Variants in MAP4K3 observed in about 807,000 individuals in gnomAD.
MAP4K3 encodes mitogen-activated protein kinase kinase kinase kinase 3, also known as MAPK/ERK kinase kinase kinase 3.
In MAP4K3, 94 loss-of-function variants were observed where a neutral mutation model predicts 143.5. The observed-to-expected ratio is 0.65, with a 90% confidence interval of 0.55 to 0.78. The LOEUF is 0.78. MAP4K3 is among the 30% of genes least tolerant of loss of function. The probability of loss-of-function intolerance (pLI) is 0.00; values close to 1 mark genes in which losing one functional copy is unlikely to be tolerated. For synonymous variants in MAP4K3, 416 were observed against 347.2 expected, an observed-to-expected ratio of 1.20 and a Z score of -2.20; for missense variants, 1,077 against 1,068.1, an observed-to-expected ratio of 1.01 and a Z score of -0.12.
intron 13 of MAP4K3, among the ~76,000 whole-genome samples, chr2:39,314,633 A>G (rs1683053483): frequency 6.6e-6 from 1 of 152,200 alleles, no homozygotes; most frequent in Non-Finnish European, 1.5e-5. Context: ...TCTAAGGAAT[A>G]AAAAAGTTAA....
intron 19 of MAP4K3, among the ~76,000 whole-genome samples, chr2:39,288,543 C>T (rs1011414366): frequency 1.3e-5 from 2 of 152,042 alleles, no homozygotes; most frequent in African/African-American, 4.8e-5. Flanking sequence ...TTTATTAATT[C>T]CTCACAAGTC....
intron 30 of MAP4K3, 30 bp downstream of exon 30, chr2:39,258,489 A>C: frequency 6.3e-7 from 1 of 1,599,510 alleles, no homozygotes. Context: ...AAGTCTTATT[A>C]AAGTAAGACA....
At chr2:39,388,467 A>G (rs1248236843) in intron 1 of MAP4K3, among the ~76,000 whole-genome samples, 1 of 152,234 alleles carries the variant, frequency 6.6e-6, no homozygotes, top group Non-Finnish European at 1.5e-5. Flanking sequence ...ATAAAATCAG[A>G]GCTGTAAACA....
At chr2:39,339,520 A>G (rs1665079720) in intron 4 of MAP4K3, among the ~76,000 whole-genome samples, 1 of 152,216 alleles carries the variant, frequency 6.6e-6, no homozygotes, top group South Asian at 2.1e-4. Context: ...GGGGAAGGTT[A>G]ATCCTGGTAA....
At chr2:39,352,530 T>A (rs1665490009) in intron 3 of MAP4K3, among the ~76,000 whole-genome samples, 1 of 152,324 alleles carries the variant, frequency 6.6e-6, no homozygotes, top group South Asian at 2.1e-4. Flanking sequence ...GTTTTATAAA[T>A]ACACAAACAT....
intron 22 of MAP4K3, 85 bp from the exon 23 acceptor site, chr2:39,280,441 G>C (rs916736072): frequency 8.7e-6 from 6 of 688,444 alleles, no homozygotes; most frequent in Admixed American, 2.4e-5. Context: ...CTATTTTAAT[G>C]TGAGAGTCTA....
At chr2:39,390,600 G>A (rs924173320) in intron 1 of MAP4K3, among the ~76,000 whole-genome samples, 5 of 152,172 alleles carry the variant, frequency 3.3e-5, no homozygotes, top group Non-Finnish European at 5.9e-5. Context: ...AGAGGCACTG[G>A]AGGAAGGGAT....
rs117689694 is a variant in MAP4K3 at position 39,319,492 on chromosome 2, C to T, written c.919-4104G>A. ...GCTGACTGTGGGATTTGGGTATGCA[C>T]GGAGTTTGGTATACTTGAGAGTCCT... is the stretch of plus-strand genomic sequence containing the variant. On this transcript the variant is annotated intron_variant, in intron 12 of 33. Transcript: ENST00000263881. Among the ~76,000 whole-genome samples, 426 of 152,116 alleles carry T rather than the reference C, an allele frequency of 2.8e-3. 15 individuals are homozygous for T. The East Asian group carries it at 0.075, about 27-fold the overall frequency.
chr2:39,424,508 C>T (rs566770732), intron 1 of MAP4K3, among the ~76,000 whole-genome samples: 4 of 152,056 alleles, frequency 2.6e-5, no homozygotes, highest in South Asian at 2.1e-4. Context: ...AGGGACTGTG[C>T]CTTCAGTAAA....
chr2:39,311,202 T>G (rs971308031), intron 13 of MAP4K3, among the ~76,000 whole-genome samples: 3 of 152,280 alleles, frequency 2.0e-5, no homozygotes, highest in African/African-American at 7.2e-5. Context: ...CTCGACCTCC[T>G]GAGTAGCTGG....
At chr2:39,433,951 G>C (rs963449462) in intron 1 of MAP4K3, among the ~76,000 whole-genome samples, 26 of 152,212 alleles carry the variant, frequency 1.7e-4, no homozygotes, top group African/African-American at 5.5e-4. Flanking sequence ...CAACAAAACA[G>C]CTCTGAGAGG....
At chr2:39,408,897 G>C (rs184781548) in intron 1 of MAP4K3, among the ~76,000 whole-genome samples, 72 of 152,282 alleles carry the variant, frequency 4.7e-4, no homozygotes, top group Non-Finnish European at 7.8e-4. Flanking sequence ...TTTATGACAG[G>C]GATCCTCCCA....
At chr2:39,384,129 T>A (rs962713174) in intron 1 of MAP4K3, among the ~76,000 whole-genome samples, 4 of 149,068 alleles carry the variant, frequency 2.7e-5, no homozygotes, top group East Asian at 3.9e-4. Context: ...AAAAAAAAAA[T>A]TCAATGGCAG....
chr2:39,285,979 T>C (rs915013567), intron 21 of MAP4K3, among the ~76,000 whole-genome samples: 3 of 152,226 alleles, frequency 2.0e-5, no homozygotes, highest in African/African-American at 7.2e-5. Flanking sequence ...TAGCTAACAT[T>C]TGTGATAGGA....
intron 13 of MAP4K3, among the ~76,000 whole-genome samples, chr2:39,314,995 C>A (rs567436221): frequency 6.6e-6 from 1 of 152,304 alleles, no homozygotes; most frequent in Admixed American, 6.5e-5. Context: ...GAATCTGAAA[C>A]TGCATTTAAC....
chr2:39,433,362 AGCTTTACTATCTCCT>A (rs1665353516), intron 1 of MAP4K3, among the ~76,000 whole-genome samples: 1 of 152,218 alleles, frequency 6.6e-6, no homozygotes, highest in Non-Finnish European at 1.5e-5. Context: ...TCCCATCTCC[AGCTTTACTATCTCCT>A]GCTTCTTTCT....
In MAP4K3 at chr2:39,345,991, A is replaced by G. The variant is rs137887878; in HGVS notation, c.246-2539T>C. On this transcript the variant is annotated intron_variant, in intron 3 of 33. Coordinates refer to ENST00000263881, the MANE Select transcript of MAP4K3 (RefSeq NM_003618.4). ...AATCTGAAGCCATCCAGGATCTGCA[A>G]TTCATAGGTGGTTCACATAACAATG... Among the ~76,000 whole-genome samples, 385 of 151,958 alleles carry G rather than the reference A, an allele frequency of 2.5e-3. 1 individual carries two copies. The highest frequency in any genetic ancestry group is 8.6e-3 in the African/African-American group (355 of 41,448).
intron 1 of MAP4K3, among the ~76,000 whole-genome samples, chr2:39,434,024 TG>T (rs1226222129): frequency 1.3e-5 from 2 of 152,210 alleles, no homozygotes; most frequent in East Asian, 3.8e-4. Flanking sequence ...TTCAGTGCTT[TG>T]GAACTAAACC....
chr2:39,263,272 GTTT>G (rs869070441), intron 28 of MAP4K3, among the ~76,000 whole-genome samples: 3 of 136,210 alleles, frequency 2.2e-5, no homozygotes, highest in Non-Finnish European at 1.6e-5. Flanking sequence ...ACATATAGAA[GTTT>G]TTTTTTTTTT....
Sources: allele counts gnomAD v4.1 joint callset (sites outside exome capture counted in the v4.1 genomes callset), GRCh38; gene constraint gnomAD v4.1.1; transcripts MANE v1.5; gene names NCBI Gene and HGNC (gene_info 2026-07-23, HGNC 2026-07-21).